The following MYRIP variants were observed in gnomAD, a reference collection of about 807,000 sequenced individuals.
The protein encoded by MYRIP is rab effector MyRIP.
MYRIP carries 49 observed loss-of-function variants against 98.0 expected under a neutral mutation model. That is an observed-to-expected ratio of 0.50 (90% CI 0.40 to 0.63). MYRIP has a LOEUF of 0.63. Ranked by LOEUF, MYRIP falls within the 30% of genes least tolerant of loss-of-function variation. MYRIP has a pLI of 0.00. For missense variants in MYRIP, 1,004 were observed against 1,058.2 expected (o/e 0.95, Z 0.71); for synonymous variants, 404 against 409.5 (o/e 0.99, Z 0.16).
At chr3:39,830,441 C>T (rs1000198884) in intron 1 of MYRIP, among the ~76,000 whole-genome samples, 3 of 152,176 alleles carry the variant, frequency 2.0e-5, no homozygotes, top group Non-Finnish European at 2.9e-5. Flanking sequence ...ACATTTTTCT[C>T]CTGTCTCCTC....
At chr3:39,888,294 G>A (rs1431230465) in intron 1 of MYRIP, among the ~76,000 whole-genome samples, 3 of 152,088 alleles carry the variant, frequency 2.0e-5, no homozygotes, top group Non-Finnish European at 4.4e-5. Context: ...CAAGGCTACA[G>A]TAACCAAAAC....
chr3:39,870,928 A>G (rs1373286544), intron 1 of MYRIP, among the ~76,000 whole-genome samples: 2 of 152,202 alleles, frequency 1.3e-5, no homozygotes, highest in Admixed American at 1.3e-4. Flanking sequence ...GAATGATGTC[A>G]TGTCTTCAGG....
chr3:40,117,876 C>A (rs1225588674), intron 3 of MYRIP, among the ~76,000 whole-genome samples: 2 of 152,144 alleles, frequency 1.3e-5, no homozygotes, highest in Non-Finnish European at 2.9e-5. Context: ...GGCCCCAAAC[C>A]AGAAGCTCCA....
chr3:39,991,690 G>A (rs960546611), intron 2 of MYRIP, among the ~76,000 whole-genome samples: 9 of 152,094 alleles, frequency 5.9e-5, no homozygotes, highest in Middle Eastern at 3.2e-3. Flanking sequence ...TTGCTCAAAT[G>A]TCACCTTCTC....
At chr3:39,958,980 C>G (rs1447058758) in intron 2 of MYRIP, among the ~76,000 whole-genome samples, 1 of 152,054 alleles carries the variant, frequency 6.6e-6, no homozygotes, top group Non-Finnish European at 1.5e-5. Context: ...CAATGAGATA[C>G]CATCTCACAC....
intron 16 of MYRIP, among the ~76,000 whole-genome samples, chr3:40,253,727 C>G (rs1212994986): frequency 6.6e-6 from 1 of 152,188 alleles, no homozygotes; most frequent in Admixed American, 6.5e-5. Context: ...GATGTTGGAT[C>G]AGGACATCCT....
chr3:39,980,116 C>T (rs532456413), intron 2 of MYRIP, among the ~76,000 whole-genome samples: 44 of 152,144 alleles, frequency 2.9e-4, no homozygotes, highest in African/African-American at 1.0e-3. Context: ...AAAGCAAAGC[C>T]TGAGACAGGA....
intron 1 of MYRIP, among the ~76,000 whole-genome samples, chr3:39,837,438 C>T (rs917347664): frequency 8.6e-5 from 13 of 152,016 alleles, no homozygotes; most frequent in East Asian, 5.8e-4. Flanking sequence ...ATATATGGCT[C>T]GTCAGTTTTC....
At chr3:39,947,345 T>C (rs1944925876) in intron 2 of MYRIP, among the ~76,000 whole-genome samples, 1 of 151,802 alleles carries the variant, frequency 6.6e-6, no homozygotes. Context: ...AGAGTAGAAT[T>C]AGCAAATTAA....
At chr3:40,216,898 A>C (rs1447327583) in intron 11 of MYRIP, among the ~76,000 whole-genome samples, 1 of 152,208 alleles carries the variant, frequency 6.6e-6, no homozygotes, top group Non-Finnish European at 1.5e-5. Flanking sequence ...TGAATTTGTA[A>C]ATGCTTTTAC....
intron 2 of MYRIP, among the ~76,000 whole-genome samples, chr3:39,957,564 C>T (rs1945200548): frequency 1.3e-5 from 2 of 152,084 alleles, no homozygotes; most frequent in Admixed American, 6.6e-5. Flanking sequence ...AAACCCACAG[C>T]CAATATCATA....
At chr3:40,034,813 G>A (rs1346166307) in intron 2 of MYRIP, among the ~76,000 whole-genome samples, 1 of 151,818 alleles carries the variant, frequency 6.6e-6, no homozygotes, top group Admixed American at 6.6e-5. Context: ...GCAAAGACTT[G>A]GAACCAACCC....
chr3:39,877,615 C>T (rs1431271555), intron 1 of MYRIP, among the ~76,000 whole-genome samples: 2 of 152,180 alleles, frequency 1.3e-5, no homozygotes, highest in Non-Finnish European at 2.9e-5. Flanking sequence ...CACTCCAGAC[C>T]TTGTTTGCCT....
At chr3:40,075,909 A>G (rs1948333247) in intron 3 of MYRIP, among the ~76,000 whole-genome samples, 1 of 152,198 alleles carries the variant, frequency 6.6e-6, no homozygotes, top group African/African-American at 2.4e-5. Context: ...ATGACAAAGA[A>G]ACCCCAAAGG....
intron 3 of MYRIP, among the ~76,000 whole-genome samples, chr3:40,058,815 G>T (rs1313590682): frequency 6.6e-6 from 1 of 151,922 alleles, no homozygotes; most frequent in Non-Finnish European, 1.5e-5. Flanking sequence ...TTAAGTTCTG[G>T]GATACATGTG....
intron 3 of MYRIP, chr3:40,071,233 A>G (rs1336340564): frequency 2.0e-6 from 2 of 977,572 alleles, no homozygotes; most frequent in African/African-American, 3.5e-5. Context: ...TAAACTAAGA[A>G]TCTTGCTGGA....
At chr3:40,071,167 C>T (rs1228667271) in intron 3 of MYRIP, 1 of 985,458 alleles carries the variant, frequency 1.0e-6, no homozygotes, top group Non-Finnish European at 1.2e-6. Flanking sequence ...TTGTTCTGAC[C>T]TGACTTGTTC....
rs560316785 is a variant in MYRIP, at chr3:40,063,884, T to A, written c.332+19613T>A. Among the ~76,000 whole-genome samples, 3 of 152,184 alleles carry A rather than the reference T, an allele frequency of 2.0e-5. No individual in the cohort carries two copies. The South Asian group carries it at 6.2e-4, about 32-fold the overall frequency. ...GGAGTAAAGAGTGCTCTGCCGGAGA[T>A]TGCAAAATTCTCAGGGAGCCCAGTG... On this transcript the variant is annotated intron_variant, in intron 3 of 16. Coordinates refer to ENST00000302541, the MANE Select transcript of MYRIP (RefSeq NM_015460.4).
intron 6 of MYRIP, 75 bp from the exon 7 acceptor site, chr3:40,167,084 G>A: frequency 6.7e-7 from 1 of 1,482,150 alleles, no homozygotes; most frequent in Non-Finnish European, 9.4e-7. Context: ...TTGTGGTCAG[G>A]ACTCTCCTGG....
Sources: allele counts gnomAD v4.1 joint callset (sites outside exome capture counted in the v4.1 genomes callset), GRCh38; gene constraint gnomAD v4.1.1; transcripts MANE v1.5; gene names NCBI Gene and HGNC (gene_info 2026-07-23, HGNC 2026-07-21).